The following KIAA1671 variants were observed in gnomAD, a reference collection of about 807,000 sequenced individuals.
KIAA1671 encodes KIAA1671.
In KIAA1671, 52 loss-of-function variants were observed where a neutral mutation model predicts 131.2. The observed-to-expected ratio is 0.40, with a 90% confidence interval of 0.32 to 0.50. The LOEUF (loss-of-function observed/expected upper bound fraction) is 0.50, where lower values mean the gene tolerates loss of function less well. KIAA1671 is among the 20% of genes least tolerant of loss of function. The pLI, the probability that KIAA1671 is intolerant of heterozygous loss-of-function variation, is 0.73. For missense variants in KIAA1671, 2,360 were observed against 2,364.2 expected (o/e 1.00, Z 0.04); for synonymous variants, 1,003 against 961.6 (o/e 1.04, Z -0.80).
intron 6 of KIAA1671, among the ~76,000 whole-genome samples, chr22:25,089,614 A>C (rs1463285392): frequency 1.3e-5 from 2 of 152,136 alleles, no homozygotes; most frequent in African/African-American, 4.8e-5. Context: ...CTTGCTATGC[A>C]TAGTTATCAA....
intron 1 of KIAA1671, among the ~76,000 whole-genome samples, chr22:25,025,179 G>A (rs34326701): frequency 1.3e-4 from 9 of 68,180 alleles, no homozygotes; most frequent in Non-Finnish European, 3.2e-4. Context: ...CACCTCGAAT[G>A]CTCAGTAGCT....
chr22:25,016,052 G>A lies in KIAA1671; in HGVS notation c.-207-9581G>A, dbSNP rs888122453. Among the ~76,000 whole-genome samples the A allele has an allele frequency of 4.7e-5, 7 of 148,202 alleles. No individual in the cohort carries two copies. In the East Asian group the frequency reaches 6.0e-4, roughly 13 times the overall value. ...TTTTTTTTTTCCCAGACGGAGTCTC[G>A]CTCTGTTGCCCAGGCTGGAGTGCAA... On this transcript the variant is annotated intron_variant, in intron 1 of 12. Transcript: ENST00000358431.
intron 6 of KIAA1671, among the ~76,000 whole-genome samples, chr22:25,081,146 C>T (rs1367887473): frequency 6.6e-6 from 1 of 151,188 alleles, no homozygotes; most frequent in Non-Finnish European, 1.5e-5. Flanking sequence ...AGCCAGGATT[C>T]CAGGATGCAA....
At position 25,039,419 on chromosome 22, in the gene KIAA1671, G is replaced by T; in HGVS notation, c.2289G>T (p.Arg763Ser). 2 of 1,551,812 alleles carry T rather than the reference G, an allele frequency of 1.3e-6. No individual in the cohort carries two copies. The highest frequency in any genetic ancestry group is 1.7e-4 in the Middle Eastern group (1 of 5,992). Residue 763 changes from arginine to serine, a missense_variant, in exon 5 of 13, where the codon AGG becomes AGT. By Grantham distance (110) the Arg-to-Ser change is moderately radical (BLOSUM62 -1). This residue lies in a region of KIAA1671 where 1,185 missense variants were observed against 1,126.2 expected (regional missense o/e 1.05). Transcript: ENST00000358431. The part of the protein sequence containing the change: ...EEKAVTLRSL[R>S]SWLSLKDRQL... ...AAGCGGTCACGCTCCGCAGCCTCAGGTCTTGGCTCTCACTGAAGGACAGGC... is the reference window on the plus strand; with the variant it reads ...AAGCGGTCACGCTCCGCAGCCTCAGTTCTTGGCTCTCACTGAAGGACAGGC...
At chr22:25,150,209 A>G (rs1932988780) in intron 6 of KIAA1671, among the ~76,000 whole-genome samples, 1 of 152,136 alleles carries the variant, frequency 6.6e-6, no homozygotes, top group African/African-American at 2.4e-5. Context: ...GCAGACGGGC[A>G]TTGTTTTCCT....
intron 6 of KIAA1671, among the ~76,000 whole-genome samples, chr22:25,143,883 A>G (rs926393802): frequency 4.8e-4 from 73 of 152,130 alleles, no homozygotes; most frequent in African/African-American, 1.7e-3. Context: ...TAAAATGAGA[A>G]TGATAGGCCG....
chr22:25,191,090 T>G (rs1278008536), intron 12 of KIAA1671, among the ~76,000 whole-genome samples: 1 of 151,598 alleles, frequency 6.6e-6, no homozygotes, highest in Non-Finnish European at 1.5e-5. Flanking sequence ...CACAGTCCCC[T>G]CTGATAAAAC....
At chr22:24,979,036 C>A (rs1212109836) in intron 1 of KIAA1671, among the ~76,000 whole-genome samples, 3 of 149,982 alleles carry the variant, frequency 2.0e-5, no homozygotes, top group African/African-American at 7.4e-5. Flanking sequence ...TGCTCTGTTG[C>A]CCAGGCTGGA....
At chr22:25,086,854 A>T (rs1023060595) in intron 6 of KIAA1671, among the ~76,000 whole-genome samples, 2 of 152,198 alleles carry the variant, frequency 1.3e-5, no homozygotes, top group Non-Finnish European at 2.9e-5. Context: ...CCATGTTAGC[A>T]GTTCTAAATT....
At chr22:25,050,497 A>C (rs1203510088) in intron 6 of KIAA1671, 8 of 152,196 alleles carry the variant, frequency 5.3e-5, no homozygotes, top group Non-Finnish European at 1.0e-4. Context: ...CGTTTTGGAG[A>C]CATATGATTT....
intron 6 of KIAA1671, among the ~76,000 whole-genome samples, chr22:25,093,761 TCTCTCTGTC>T (rs1176646563): frequency 8.7e-5 from 10 of 114,690 alleles, no homozygotes; most frequent in Admixed American, 1.6e-4. Context: ...TCTCTCTCTC[TCTCTCTGTC>T]TCTCTCTCTC....
rs922762006 is a variant in KIAA1671 at position 25,148,071 on chromosome 22, T to A, written c.4531-22749T>A. On this transcript the variant is annotated intron_variant, in intron 6 of 12. Coordinates refer to ENST00000358431, the MANE Select transcript of KIAA1671 (RefSeq NM_001145206.2). ...CTCTTCTCTCTTTTTTTTTCTCCTC[T>A]CTTTCTTTATAAATTCATTAAACAC... is the stretch of plus-strand genomic sequence containing the variant. Among the ~76,000 whole-genome samples the A allele has an allele frequency of 2.5e-4, 37 of 147,430 alleles. No individual in the cohort carries two copies. In the Admixed American group the frequency reaches 2.5e-3, roughly 10 times the overall value.
intron 6 of KIAA1671, among the ~76,000 whole-genome samples, chr22:25,152,792 G>T (rs1240861591): frequency 6.6e-6 from 1 of 151,796 alleles, no homozygotes; most frequent in Non-Finnish European, 1.5e-5. Flanking sequence ...TAGTGGAGAT[G>T]GGGGGTTTCA....
intron 6 of KIAA1671, among the ~76,000 whole-genome samples, chr22:25,094,434 G>C (rs1447468014): frequency 1.3e-5 from 2 of 152,146 alleles, no homozygotes; most frequent in African/African-American, 4.8e-5. Flanking sequence ...ACAGGCCCAG[G>C]TCTGTCCAAG....
At chr22:25,164,018 A>G (rs551916798) in intron 6 of KIAA1671, among the ~76,000 whole-genome samples, 1 of 152,298 alleles carries the variant, frequency 6.6e-6, no homozygotes, top group African/African-American at 2.4e-5. Context: ...TGTCTCCCCA[A>G]AGCTGTCCAC....
chr22:25,054,268 G>A (rs1157964696), intron 6 of KIAA1671: 3 of 149,094 alleles, frequency 2.0e-5, no homozygotes, highest in Non-Finnish European at 4.5e-5. Context: ...AAGAAGGTAG[G>A]TAAATAATTG....
chr22:25,123,518 G>C (rs1210351193), intron 6 of KIAA1671, among the ~76,000 whole-genome samples: 1 of 152,152 alleles, frequency 6.6e-6, no homozygotes, highest in East Asian at 1.9e-4. Context: ...AGACACTGCA[G>C]CTTCCCTCTT....
chr22:25,082,330 G>A (rs1363449050), intron 6 of KIAA1671, among the ~76,000 whole-genome samples: 3 of 152,170 alleles, frequency 2.0e-5, no homozygotes, highest in East Asian at 3.8e-4. Context: ...TAACACCTGA[G>A]TAGGACAAGA....
At chr22:25,038,065 G>A (rs1926713823) in intron 4 of KIAA1671, among the ~76,000 whole-genome samples, 1 of 152,186 alleles carries the variant, frequency 6.6e-6, no homozygotes, top group African/African-American at 2.4e-5. Context: ...TTGAATTCCT[G>A]AGCTTAGGTG....
Sources: gnomAD v4.1 joint callset for allele counts (sites outside exome capture counted in the v4.1 genomes callset) on GRCh38, gnomAD v4.1.1 for gene constraint, gnomAD v4.1.1 regional missense constraint, MANE v1.5 for transcripts, NCBI Gene and HGNC (gene_info 2026-07-23, HGNC 2026-07-21) for gene names.